The following FGF12 variants were observed in gnomAD, a reference collection of about 807,000 sequenced individuals.
FGF12 encodes fibroblast growth factor 12B.
FGF12 carries 14 observed loss-of-function variants against 23.6 expected under a neutral mutation model. That is an observed-to-expected ratio of 0.59 (90% CI 0.39 to 0.93). FGF12 has a LOEUF of 0.93. Among genes scored for constraint, FGF12 ranks in the 40% least tolerant of loss-of-function variants. The probability of loss-of-function intolerance (pLI) is 0.00; values close to 1 mark genes in which losing one functional copy is unlikely to be tolerated. For synonymous variants in FGF12, 62 were observed against 77.3 expected (o/e 0.80, Z 1.04); for missense variants, 175 against 217.8 (o/e 0.80, Z 1.24).
chr3:192,634,243 C>A (rs1490910370), intron 2 of FGF12, among the ~76,000 whole-genome samples: 3 of 151,926 alleles, frequency 2.0e-5, no homozygotes, highest in Non-Finnish European at 4.4e-5. Context: ...GTCCAGTCAG[C>A]CCTCATATTC....
At chr3:192,619,042 ATGTT>A (rs1303036416) in intron 2 of FGF12, among the ~76,000 whole-genome samples, 3 of 151,964 alleles carry the variant, frequency 2.0e-5, no homozygotes, top group African/African-American at 7.2e-5. Flanking sequence ...GGATTGGTAA[ATGTT>A]TGCTAATTAA....
intron 2 of FGF12, among the ~76,000 whole-genome samples, chr3:192,486,856 A>G (rs879740031): frequency 2.2e-4 from 33 of 152,162 alleles, no homozygotes; most frequent in Non-Finnish European, 5.9e-5. Flanking sequence ...ATTCAGAGCC[A>G]AAACTGTCTT....
At chr3:192,275,364 A>G (rs915217036) in intron 4 of FGF12, among the ~76,000 whole-genome samples, 3 of 130,726 alleles carry the variant, frequency 2.3e-5, no homozygotes, top group African/African-American at 8.0e-5. Flanking sequence ...GAAAAGACCA[A>G]TTTGCTTTTT....
intron 4 of FGF12, among the ~76,000 whole-genome samples, chr3:192,213,668 T>G (rs1235707629): frequency 1.3e-5 from 2 of 152,196 alleles, no homozygotes; most frequent in African/African-American, 4.8e-5. Flanking sequence ...AGTTACAGTT[T>G]CTATCACTAT....
intron 2 of FGF12, among the ~76,000 whole-genome samples, chr3:192,476,319 GA>G (rs530670764): frequency 2.7e-5 from 4 of 150,220 alleles, no homozygotes; most frequent in East Asian, 1.9e-4. Flanking sequence ...GTTTACAGAT[GA>G]AAAAAAAATG....
intron 4 of FGF12, among the ~76,000 whole-genome samples, chr3:192,295,235 C>T (rs1394885034): frequency 6.6e-6 from 1 of 152,278 alleles, no homozygotes; most frequent in East Asian, 1.9e-4. Context: ...GGGTCAGTGG[C>T]AGGATTGGAA....
chr3:192,362,753 C>T (rs1459053134), intron 2 of FGF12, among the ~76,000 whole-genome samples: 1 of 151,992 alleles, frequency 6.6e-6, no homozygotes, highest in Non-Finnish European at 1.5e-5. Context: ...AATATACATC[C>T]TAATTAAAGT....
chr3:192,499,013 G>A (rs1724041478), intron 2 of FGF12, among the ~76,000 whole-genome samples: 1 of 152,140 alleles, frequency 6.6e-6, no homozygotes, highest in Non-Finnish European at 1.5e-5. Flanking sequence ...GGTATAATTT[G>A]CTTCTGCCTT....
At chr3:192,277,056 C>T (rs1436059819) in intron 4 of FGF12, among the ~76,000 whole-genome samples, 2 of 152,224 alleles carry the variant, frequency 1.3e-5, no homozygotes, top group Non-Finnish European at 2.9e-5. Flanking sequence ...TGAAAGGCTT[C>T]ATGTCATGTA....
At chr3:192,373,411 G>A (rs1166470879) in intron 2 of FGF12, among the ~76,000 whole-genome samples, 2 of 151,864 alleles carry the variant, frequency 1.3e-5, no homozygotes, top group African/African-American at 2.4e-5. Context: ...GGACTCTCAG[G>A]TCAAGATAGA....
At chr3:192,629,869 A>G (rs1455871015) in intron 2 of FGF12, among the ~76,000 whole-genome samples, 1 of 152,200 alleles carries the variant, frequency 6.6e-6, no homozygotes, top group Admixed American at 6.5e-5. Context: ...CTGCGAGGAT[A>G]TAACACAAGA....
intron 2 of FGF12, among the ~76,000 whole-genome samples, chr3:192,464,191 A>G (rs115624814): frequency 0.011 from 1,712 of 152,124 alleles, 24 homozygotes; most frequent in African/African-American, 0.04. Context: ...GGTTACATGG[A>G]TAAGTTCTTT....
At chr3:192,477,370 G>T (rs1723356343) in intron 2 of FGF12, among the ~76,000 whole-genome samples, 1 of 152,170 alleles carries the variant, frequency 6.6e-6, no homozygotes, top group African/African-American at 2.4e-5. Flanking sequence ...AGAGTGGAGG[G>T]GATCTGGAGG....
chr3:192,219,059 A>C (rs1465498740), intron 4 of FGF12, among the ~76,000 whole-genome samples: 1 of 152,116 alleles, frequency 6.6e-6, no homozygotes, highest in Non-Finnish European at 1.5e-5. Flanking sequence ...AGAAACATTT[A>C]CTTATAAATA....
chr3:192,553,079 T>C (rs1378834979), intron 2 of FGF12, among the ~76,000 whole-genome samples: 1 of 152,148 alleles, frequency 6.6e-6, no homozygotes. Flanking sequence ...AGAAAATTTG[T>C]CACCAGTAAA....
intron 5 of FGF12, among the ~76,000 whole-genome samples, chr3:192,167,365 T>C (rs1715224983): frequency 6.6e-6 from 1 of 151,972 alleles, no homozygotes; most frequent in South Asian, 2.1e-4. Flanking sequence ...GGTTGGATCA[T>C]GGGCAGAAGG....
chr3:192,359,565 A>G (rs968487799), intron 3 of FGF12, among the ~76,000 whole-genome samples: 1 of 152,168 alleles, frequency 6.6e-6, no homozygotes, highest in African/African-American at 2.4e-5. Context: ...AATGACATGA[A>G]TTTGCCCTCA....
intron 2 of FGF12, among the ~76,000 whole-genome samples, chr3:192,477,249 C>CT (rs1433309419): frequency 1.3e-5 from 2 of 152,260 alleles, no homozygotes; most frequent in African/African-American, 4.8e-5. Flanking sequence ...TCTCTTCACT[C>CT]TATCTCCTGC....
chr3:192,707,972 ATTTT>A lies in FGF12; in HGVS notation c.13+19205_13+19208del, dbSNP rs1183961515. ...ATTATTATTATTTATTTATTTATTT[ATTTT>A]TGAGACGGAGTCTCGCTCTGTCACC... On this transcript the variant is annotated intron_variant, in intron 2 of 5. Transcript: ENST00000445105. 1.7e-4 allele frequency among the ~76,000 whole-genome samples: 26 copies of A among 151,812 alleles called. No individual in the cohort carries two copies. The East Asian group carries it at 4.5e-3, about 26-fold the overall frequency.
Sources: gnomAD v4.1 joint callset for allele counts (sites outside exome capture counted in the v4.1 genomes callset) on GRCh38, gnomAD v4.1.1 for gene constraint, MANE v1.5 for transcripts, NCBI Gene and HGNC (gene_info 2026-07-23, HGNC 2026-07-21) for gene names.